NWD1: variants seen among roughly 807,000 people sequenced by gnomAD.
The protein encoded by NWD1 is NACHT and WD repeat domain containing 1, also known as NACHT domain- and WD repeat-containing protein 1.
Under a neutral mutation model 135.1 loss-of-function variants are expected in NWD1, and 129 were observed. That is an observed-to-expected ratio of 0.96 (90% confidence interval 0.83 to 1.11). The LOEUF (loss-of-function observed/expected upper bound fraction) is 1.11. Among genes scored for constraint, NWD1 ranks in the 50% least tolerant of loss-of-function variants. NWD1 has a pLI of 0.00. For synonymous variants in NWD1, 773 were observed against 786.0 expected, an observed-to-expected ratio of 0.98 and a Z score of 0.28; for missense variants, 1,740 against 1,851.3, an observed-to-expected ratio of 0.94 and a Z score of 1.10.
At chr19:16,746,846 A>G (rs565150933) in intron 5 of NWD1, among the ~76,000 whole-genome samples, 18 of 152,248 alleles carry the variant, frequency 1.2e-4, no homozygotes, top group African/African-American at 4.3e-4. Flanking sequence ...TAAGTGGATC[A>G]TCAGTCACAA....
At chr19:16,804,054 G>A (rs1379375280) in intron 17 of NWD1, among the ~76,000 whole-genome samples, 1 of 152,202 alleles carries the variant, frequency 6.6e-6, no homozygotes, top group African/African-American at 2.4e-5. Flanking sequence ...CCTAGAAGCT[G>A]AATCTGTGAT....
Position 16,799,904 on chromosome 19 carries a change from C to T in NWD1, c.3478C>T (p.Gln1160Ter), listed in dbSNP as rs1970542961. ...ALIQVWSLSEQGTLLDILEGV... is the reference protein window; with the variant it reads ...ALIQVWSLSE ...TCCTCAGGTGTGGAGTCTGTCAGAA[C>T]AGGGGACCCTTCTGGACATCCTGGA... The change falls in exon 17 of 19, where the codon CAG becomes TAG. Residue 1160 changes from glutamine (Q) to a stop codon, truncating the protein, a stop_gained. Coordinates refer to ENST00000524140, the MANE Select transcript of NWD1 (RefSeq NM_001007525.5). LOFTEE classifies it high-confidence loss of function. 2 of 1,610,354 alleles carry T rather than the reference C, an allele frequency of 1.2e-6. No homozygotes were observed. Among genetic ancestry groups the T allele is most frequent in the African/African-American group, 2.7e-5 (2 of 74,966 alleles).
At chr19:16,798,630 T>G (rs1970498009) in intron 16 of NWD1, among the ~76,000 whole-genome samples, 1 of 152,084 alleles carries the variant, frequency 6.6e-6, no homozygotes. Context: ...AAGAATAATT[T>G]TCTTTATTTT....
In NWD1 at chr19:16,815,183, T is replaced by G. The variant is rs768751641; in HGVS notation, c.*144T>G. The G allele has an allele frequency of 1.1e-6, 1 of 872,714 alleles. No individual in the cohort carries two copies. Among genetic ancestry groups the G allele is most frequent in the African/African-American group, 1.6e-5 (1 of 60,736 alleles). 54.1% of individuals were successfully genotyped at this position (872,714 alleles called of 1,614,324 possible). A position where few individuals can be genotyped will look rare whatever the true frequency, so the allele number is the denominator to read the frequency against. On this transcript the variant is annotated 3_prime_UTR_variant, in exon 19 of 19. Transcript: ENST00000524140. Reference sequence around the variant, plus strand: ...CTCACCGCAGGACCCTCTTAAGAACTTCAAGAAGGCAATGTGGATGGTCAA... The same window carrying G: ...CTCACCGCAGGACCCTCTTAAGAACGTCAAGAAGGCAATGTGGATGGTCAA...
In NWD1 at chr19:16,763,951, G is replaced by A. The variant is rs1969117865; in HGVS notation, c.2251+6G>A. Reference sequence around the variant, plus strand: ...GCTGAAACAGGAGGTTCTGGGTAAGGGCTGCCCCCCATCTCAGAGGACCGA... The same window carrying A: ...GCTGAAACAGGAGGTTCTGGGTAAGAGCTGCCCCCCATCTCAGAGGACCGA... On this transcript the variant is annotated splice_donor_region_variant and intron_variant, in intron 9 of 18. Transcript: ENST00000524140. The A allele has an allele frequency of 6.4e-7, 1 of 1,569,712 alleles. No homozygotes were observed. Among genetic ancestry groups the A allele is most frequent in the Non-Finnish European group, 8.8e-7 (1 of 1,139,664 alleles).
At chr19:16,747,386 A>ATTTAAT (rs1568347379) in intron 5 of NWD1, among the ~76,000 whole-genome samples, 28 of 122,892 alleles carry the variant, frequency 2.3e-4, no homozygotes, top group African/African-American at 8.9e-4. Context: ...TATTTATTTA[A>ATTTAAT]TTTTTTTTGA....
At chr19:16,767,295 G>A (rs759898508) in intron 10 of NWD1, among the ~76,000 whole-genome samples, 14 of 150,938 alleles carry the variant, frequency 9.3e-5, no homozygotes, top group South Asian at 2.1e-4. Flanking sequence ...GGCAGCAGGC[G>A]AGAGAGAGGG....
chr19:16,757,256 CCCCA>C lies in NWD1; in HGVS notation c.1770-1965_1770-1962del, dbSNP rs1311035750. Reference sequence around the variant, plus strand: ...GCTGCCCTACAACACACAGGACGGTCCCCACCCTAAAAAATGATCTGACCCCAAA... The same window carrying C: ...GCTGCCCTACAACACACAGGACGGTCCCCTAAAAAATGATCTGACCCCAAA... On this transcript the variant is annotated intron_variant, in intron 6 of 18. Transcript: ENST00000524140. 3.3e-5 allele frequency among the ~76,000 whole-genome samples: 5 copies of C among 151,994 alleles called. No homozygotes were observed. The East Asian group carries it at 9.7e-4, about 29-fold the overall frequency.
intron 6 of NWD1, among the ~76,000 whole-genome samples, chr19:16,755,953 A>G (rs1306097434): frequency 6.6e-6 from 1 of 152,186 alleles, no homozygotes; most frequent in Non-Finnish European, 1.5e-5. Flanking sequence ...CCTAAAACTT[A>G]AATACTAATA....
At chr19:16,746,026 T>TC (rs1482120014) in intron 5 of NWD1, among the ~76,000 whole-genome samples, 2 of 152,016 alleles carry the variant, frequency 1.3e-5, no homozygotes, top group Admixed American at 1.3e-4. Flanking sequence ...AACTTTTGAC[T>TC]CCCCCAAAAC....
intron 17 of NWD1, 88 bp from the exon 18 acceptor site, chr19:16,807,498 C>G: frequency 2.7e-6 from 3 of 1,122,636 alleles, no homozygotes; most frequent in Admixed American, 4.6e-5. Flanking sequence ...ATCTCAAAAA[C>G]AAAACAAAAC....
intron 1 of NWD1, among the ~76,000 whole-genome samples, chr19:16,720,789 A>G (rs1001407650): frequency 2.0e-5 from 3 of 151,982 alleles, no homozygotes; most frequent in Non-Finnish European, 4.4e-5. Flanking sequence ...TCCTGACCTC[A>G]TGATCTGCCC....
intron 10 of NWD1, among the ~76,000 whole-genome samples, chr19:16,770,335 C>G (rs979659896): frequency 6.6e-5 from 10 of 152,236 alleles, no homozygotes; most frequent in Non-Finnish European, 1.2e-4. Flanking sequence ...TTGCTCAGCT[C>G]TCATTCTTCT....
chr19:16,745,904 G>A (rs58003040), intron 5 of NWD1, among the ~76,000 whole-genome samples: 12,892 of 152,096 alleles, frequency 0.085, 1,041 homozygotes, highest in African/African-American at 0.21. Flanking sequence ...GTGACAGAGT[G>A]AGACCCTGTC....
chr19:16,763,723 G>C, intron 8 of NWD1, 105 bp from the exon 9 acceptor site: 1 of 747,334 alleles, frequency 1.3e-6, no homozygotes, highest in South Asian at 1.5e-5. Context: ...TTGCATTCTC[G>C]TCCACTCCAG....
In NWD1 at chr19:16,735,114, G is replaced by A. The variant is rs537354520; in HGVS notation, c.82-1520G>A. On this transcript the variant is annotated intron_variant, in intron 3 of 18. Transcript: ENST00000524140. ...TTTGGAATTTAGGCTTACAGGAAAC[G>A]CATGGACAGTACGGAGTTCCCATAC... Among the ~76,000 whole-genome samples the A allele has an allele frequency of 5.9e-4, 90 of 152,120 alleles. No individual in the cohort carries two copies. In the Middle Eastern group the frequency reaches 0.01, roughly 17 times the overall value.
intron 4 of NWD1, among the ~76,000 whole-genome samples, chr19:16,738,760 A>AATCTAT (rs1967949540): frequency 2.2e-5 from 3 of 133,654 alleles, no homozygotes; most frequent in Non-Finnish European, 3.1e-5. Context: ...ATATATATAT[A>AATCTAT]ATATAATGAT....
chr19:16,781,212 C>T (rs1969842826), intron 12 of NWD1, among the ~76,000 whole-genome samples: 1 of 152,106 alleles, frequency 6.6e-6, no homozygotes, highest in Non-Finnish European at 1.5e-5. Flanking sequence ...GAAAACTATT[C>T]ATTCTTGAAG....
chr19:16,804,706 A>T (rs1970701154), intron 17 of NWD1, among the ~76,000 whole-genome samples: 2 of 151,380 alleles, frequency 1.3e-5, no homozygotes, highest in Admixed American at 6.6e-5. Context: ...GGTTAAATTA[A>T]TTTTTTTTTA....
Sources: gnomAD v4.1 joint callset for allele counts (sites outside exome capture counted in the v4.1 genomes callset) on GRCh38, gnomAD v4.1.1 for gene constraint, MANE v1.5 for transcripts, NCBI Gene and HGNC (gene_info 2026-07-23, HGNC 2026-07-21) for gene names.